Variants in RNLS observed in about 807,000 individuals in gnomAD.
RNLS encodes the protein renalase, FAD dependent amine oxidase, also known as renalase.
In RNLS, 39 loss-of-function variants were observed where a neutral mutation model predicts 39.8. The observed-to-expected ratio is 0.98, with a 90% CI of 0.76 to 1.28. The LOEUF (loss-of-function observed/expected upper bound fraction) is 1.28. RNLS is among the 50% of genes most tolerant of loss of function. The probability of loss-of-function intolerance (pLI) is 0.00; values close to 1 mark genes in which losing one functional copy is unlikely to be tolerated. For synonymous variants in RNLS, 147 were observed against 150.7 expected (o/e 0.98, Z 0.18); for missense variants, 410 against 413.3 (o/e 0.99, Z 0.07).
intron 4 of RNLS, among the ~76,000 whole-genome samples, chr10:88,449,522 T>A (rs1312173260): frequency 1.3e-5 from 2 of 152,202 alleles, no homozygotes; most frequent in Non-Finnish European, 2.9e-5. Context: ...TTCCTTAGAT[T>A]AACTAATAAT....
intron 5 of RNLS, among the ~76,000 whole-genome samples, 183 bp from the exon 6 acceptor site, chr10:88,314,824 A>C (rs1845635378): frequency 6.6e-6 from 1 of 152,226 alleles, no homozygotes; most frequent in South Asian, 2.1e-4. Flanking sequence ...ACTTCTCTGA[A>C]GAGGAAGACA....
intron 4 of RNLS, among the ~76,000 whole-genome samples, chr10:88,530,743 T>C (rs1847376156): frequency 6.6e-6 from 1 of 152,142 alleles, no homozygotes; most frequent in Non-Finnish European, 1.5e-5. Flanking sequence ...TGTATGTAAA[T>C]GATAATCCAT....
At chr10:88,537,782 G>T (rs1847843260) in intron 4 of RNLS, among the ~76,000 whole-genome samples, 1 of 152,094 alleles carries the variant, frequency 6.6e-6, no homozygotes, top group African/African-American at 2.4e-5. Flanking sequence ...CTTGATTAGG[G>T]TGCTGACTAT....
chr10:88,462,228 G>T (rs911402683), intron 4 of RNLS, among the ~76,000 whole-genome samples: 6 of 151,820 alleles, frequency 4.0e-5, no homozygotes, highest in African/African-American at 1.2e-4. Context: ...TAATTTTTAT[G>T]GGTACATAGT....
chr10:88,374,505 G>A (rs1016069853), intron 4 of RNLS, among the ~76,000 whole-genome samples: 16 of 151,974 alleles, frequency 1.1e-4, no homozygotes, highest in Non-Finnish European at 1.3e-4. Context: ...TCCTCCTTTT[G>A]CTTTCCTGCG....
the RNLS span, among the ~76,000 whole-genome samples, chr10:88,178,195 C>A: frequency 4.6e-5 from 7 of 152,136 alleles, no homozygotes; most frequent in East Asian, 1.3e-3. Context: ...GCTGGTGTCA[C>A]AATGCTGCAG....
chr10:88,527,747 G>A (rs1589959071), intron 4 of RNLS, among the ~76,000 whole-genome samples: 1 of 151,892 alleles, frequency 6.6e-6, no homozygotes, highest in East Asian at 1.9e-4. Context: ...CGAATGGACA[G>A]CCAAGGGTCA....
intron 4 of RNLS, among the ~76,000 whole-genome samples, chr10:88,508,637 T>C (rs1845926008): frequency 6.6e-6 from 1 of 152,106 alleles, no homozygotes; most frequent in African/African-American, 2.4e-5. Context: ...CTGGTGCCAA[T>C]GTTTCTTTAA....
intron 6 of RNLS, among the ~76,000 whole-genome samples, chr10:88,311,939 G>C (rs1255835203): frequency 6.6e-6 from 1 of 152,134 alleles, no homozygotes; most frequent in East Asian, 1.9e-4. Context: ...GTTCCCTTAG[G>C]GAGGCTTGAG....
At chr10:88,341,329 CAAAAA>C (rs755002114) in intron 5 of RNLS, among the ~76,000 whole-genome samples, 4 of 50,698 alleles carry the variant, frequency 7.9e-5, no homozygotes, top group Non-Finnish European at 1.6e-4. Flanking sequence ...AACTCCATCT[CAAAAA>C]AAAAAAAAAA....
chr10:88,556,741 C>T (rs1055866297), intron 4 of RNLS, among the ~76,000 whole-genome samples: 1 of 152,166 alleles, frequency 6.6e-6, no homozygotes, highest in South Asian at 2.1e-4. Flanking sequence ...TCTTGGTTTA[C>T]ACTTTCACTA....
At position 88,285,193 on chromosome 10, in the gene RNLS, A is replaced by G. The variant is rs1284669950; in HGVS notation, c.*161T>C. On this transcript the variant is annotated 3_prime_UTR_variant, in exon 7 of 7. Transcript: ENST00000331772. Reference sequence around the variant, plus strand: ...CATTCTAGCATGGGTTGTAACTATCAAAATTACAAAATTGATTTTATACTC... The same window carrying G: ...CATTCTAGCATGGGTTGTAACTATCGAAATTACAAAATTGATTTTATACTC... The G allele has an allele frequency of 7.4e-7, 1 of 1,350,358 alleles. No homozygotes were observed. The highest frequency in any genetic ancestry group is 9.5e-7 in the Non-Finnish European group (1 of 1,052,520). 83.6% of individuals were successfully genotyped at this position (1,350,358 alleles called of 1,614,324 possible).
At chr10:88,530,096 C>G (rs1847327273) in intron 4 of RNLS, among the ~76,000 whole-genome samples, 1 of 152,182 alleles carries the variant, frequency 6.6e-6, no homozygotes. Flanking sequence ...CTAGTCAGCT[C>G]AAGAGTGCCT....
chr10:88,442,332 T>A (rs904064094), intron 4 of RNLS, among the ~76,000 whole-genome samples: 8 of 152,344 alleles, frequency 5.3e-5, no homozygotes, highest in African/African-American at 1.9e-4. Context: ...CTATATGAAA[T>A]ACCAAATTAA....
the RNLS span, among the ~76,000 whole-genome samples, chr10:88,200,053 T>A: frequency 6.6e-6 from 1 of 152,140 alleles, no homozygotes; most frequent in African/African-American, 2.4e-5. Context: ...TACTTGAGCC[T>A]GGGAGGTCAA....
At chr10:88,240,358 T>G in the RNLS span, among the ~76,000 whole-genome samples, 5 of 152,120 alleles carry the variant, frequency 3.3e-5, no homozygotes, top group South Asian at 2.1e-4. Context: ...AATACTTTTT[T>G]TATTTTTCCT....
intron 6 of RNLS, among the ~76,000 whole-genome samples, chr10:88,275,932 T>TA (rs1842797058): frequency 6.6e-6 from 1 of 152,204 alleles, no homozygotes; most frequent in South Asian, 2.1e-4. Flanking sequence ...TGTGTGCCTG[T>TA]AGTCCCAGCT....
At chr10:88,532,194 A>C (rs1391939506) in intron 4 of RNLS, among the ~76,000 whole-genome samples, 2 of 152,094 alleles carry the variant, frequency 1.3e-5, no homozygotes, top group Non-Finnish European at 2.9e-5. Flanking sequence ...GTATCTTTAC[A>C]TTTTACATAC....
intron 4 of RNLS, among the ~76,000 whole-genome samples, chr10:88,422,679 A>T (rs1291506370): frequency 6.6e-6 from 1 of 152,174 alleles, no homozygotes; most frequent in East Asian, 1.9e-4. Flanking sequence ...GATAAGATTA[A>T]GAAAAAGAAC....
Sources: allele counts gnomAD v4.1 joint callset (sites outside exome capture counted in the v4.1 genomes callset), GRCh38; gene constraint gnomAD v4.1.1; transcripts MANE v1.5; gene names NCBI Gene and HGNC (gene_info 2026-07-23, HGNC 2026-07-21).